Variants in EPHA5 observed in about 807,000 individuals in gnomAD.
EPHA5 encodes the protein EPH receptor A5, also known as ephrin type-A receptor 5.
EPHA5 carries 60 observed loss-of-function variants against 105.0 expected under a neutral mutation model. That is an observed-to-expected ratio of 0.57 (90% CI 0.46 to 0.71). EPHA5 has a LOEUF of 0.71. Ranked by LOEUF, EPHA5 falls within the 30% of genes least tolerant of loss-of-function variation. The pLI is 0.00. For missense variants in EPHA5, 1,218 were observed against 1,274.7 expected, an observed-to-expected ratio of 0.96 and a Z score of 0.68; for synonymous variants, 513 against 449.1, an observed-to-expected ratio of 1.14 and a Z score of -1.80.
intron 2 of EPHA5, among the ~76,000 whole-genome samples, chr4:65,620,038 G>A (rs1745576064): frequency 6.7e-6 from 1 of 148,338 alleles, no homozygotes; most frequent in Admixed American, 6.8e-5. Context: ...CATCTCTGGT[G>A]TGTGTTAAAG....
chr4:65,505,890 T>C (rs530400533), intron 3 of EPHA5, among the ~76,000 whole-genome samples: 1 of 152,318 alleles, frequency 6.6e-6, no homozygotes, highest in South Asian at 2.1e-4. Flanking sequence ...AGGGTACATG[T>C]GCACAACGTG....
intron 14 of EPHA5, among the ~76,000 whole-genome samples, chr4:65,338,152 A>G (rs1450141799): frequency 6.6e-6 from 1 of 152,152 alleles, no homozygotes; most frequent in African/African-American, 2.4e-5. Context: ...AAGCCTTGAA[A>G]AAATATTTAT....
chr4:65,485,502 C>CA (rs1344479697), intron 5 of EPHA5, among the ~76,000 whole-genome samples: 3 of 151,980 alleles, frequency 2.0e-5, no homozygotes, highest in Non-Finnish European at 4.4e-5. Flanking sequence ...TTATTACATG[C>CA]AAAAAAGTAT....
rs2149439348 is a variant in EPHA5, at chr4:65,601,951, T to C, written c.600A>G (p.Arg200=). 1 of 1,614,194 alleles carries C rather than the reference T, an allele frequency of 6.2e-7. No homozygotes were observed. Among genetic ancestry groups the C allele is most frequent in the South Asian group, 1.1e-5 (1 of 91,080 alleles). Residue 200 remains arginine (R), a synonymous_variant, in exon 3 of 17, where the codon AGA becomes AGG. Transcript: ENST00000613740. The part of the protein sequence containing the change: ...DRVMKLNTEV[R]DVGPLSKKGF... ...CCTTTTTGCTTAGAGGTCCTACATC[T>C]CTGACCTCTGTATTCAGTTTCATAA... is the stretch of plus-strand genomic sequence containing the variant.
intron 8 of EPHA5, among the ~76,000 whole-genome samples, chr4:65,370,152 A>T (rs1451724899): frequency 6.6e-6 from 1 of 152,130 alleles, no homozygotes; most frequent in African/African-American, 2.4e-5. Context: ...TAACACTTAG[A>T]TACATATGTC....
intron 1 of EPHA5, among the ~76,000 whole-genome samples, chr4:65,659,437 G>T (rs1227151244): frequency 6.6e-6 from 1 of 151,390 alleles, no homozygotes; most frequent in African/African-American, 2.4e-5. Context: ...TGCCAGTGGG[G>T]ATCTGGACAA....
intron 3 of EPHA5, among the ~76,000 whole-genome samples, chr4:65,585,235 T>C (rs931243548): frequency 6.6e-6 from 1 of 151,812 alleles, no homozygotes; most frequent in Admixed American, 6.6e-5. Context: ...TGAATGAATT[T>C]ATATTACAGA....
chr4:65,595,116 T>C (rs1743039479), intron 3 of EPHA5, among the ~76,000 whole-genome samples: 1 of 151,054 alleles, frequency 6.6e-6, no homozygotes, highest in Non-Finnish European at 1.5e-5. Flanking sequence ...CAGTTTTTTT[T>C]CCCCTAACTT....
At chr4:65,390,872 A>G (rs779787312) in intron 8 of EPHA5, among the ~76,000 whole-genome samples, 1 of 152,086 alleles carries the variant, frequency 6.6e-6, no homozygotes, top group Non-Finnish European at 1.5e-5. Flanking sequence ...AAGAGACAGT[A>G]CGGGAATTTT....
intron 8 of EPHA5, among the ~76,000 whole-genome samples, chr4:65,369,050 G>T (rs374633102): frequency 3.0e-4 from 46 of 152,228 alleles, no homozygotes; most frequent in African/African-American, 1.1e-3. Flanking sequence ...ATTTGAGTGC[G>T]CTTGTTGGCT....
intron 2 of EPHA5, among the ~76,000 whole-genome samples, chr4:65,629,075 G>A (rs1412462933): frequency 6.6e-6 from 1 of 152,158 alleles, no homozygotes; most frequent in Non-Finnish European, 1.5e-5. Context: ...GATAAAATAT[G>A]TCATCAAATA....
In EPHA5 at chr4:65,670,243, G is replaced by A. The variant is rs1578746946; in HGVS notation, c.-501C>T. On this transcript the variant is annotated 5_prime_UTR_variant, in exon 1 of 17. Coordinates refer to ENST00000613740, the MANE Select transcript of EPHA5 (RefSeq NM_001281766.3). ...GAAAGAGGACTTGAGAAAATGTGGAGAATGAAAAACAGGAGAGCAGCGAGC... is the reference window on the plus strand; with the variant it reads ...GAAAGAGGACTTGAGAAAATGTGGAAAATGAAAAACAGGAGAGCAGCGAGC... 8.5e-6 allele frequency: 2 copies of A among 234,562 alleles called. No homozygotes were observed. Among genetic ancestry groups the A allele is most frequent in the East Asian group, 1.2e-4 (2 of 16,586 alleles). 14.5% of individuals were successfully genotyped at this position (234,562 alleles called of 1,614,324 possible). A position where few individuals can be genotyped will look rare whatever the true frequency, so the allele number is the denominator to read the frequency against.
At chr4:65,483,918 C>A (rs1357457377) in intron 5 of EPHA5, among the ~76,000 whole-genome samples, 1 of 151,986 alleles carries the variant, frequency 6.6e-6, no homozygotes, top group African/African-American at 2.4e-5. Flanking sequence ...TCAACTAGAG[C>A]CGTCATAAAG....
chr4:65,351,392 T>G lies in EPHA5; in HGVS notation c.2442A>C (p.Thr814=), dbSNP rs1722799835. Residue 814 remains threonine, a synonymous_variant, in exon 13 of 17, where the codon ACA becomes ACC. Coordinates refer to ENST00000613740, the MANE Select transcript of EPHA5 (RefSeq NM_001281766.3). ...AATGCACTCTGTTAGATCTTACCCTTGTGGTGTAGGCTGCCTCGGGATCAT... is the reference window on the plus strand; with the variant it reads ...AATGCACTCTGTTAGATCTTACCCTGGTGGTGTAGGCTGCCTCGGGATCAT... ...LEDDPEAAYT[T]RGGKIPIRWT... is the part of the protein sequence containing the mutation. The G allele has an allele frequency of 6.2e-7, 1 of 1,613,536 alleles. No homozygotes were observed.
intron 8 of EPHA5, among the ~76,000 whole-genome samples, chr4:65,392,258 T>C (rs1720790106): frequency 6.6e-6 from 1 of 152,148 alleles, no homozygotes; most frequent in Admixed American, 6.6e-5. Flanking sequence ...AACCCTCAGA[T>C]ATTAAATCAA....
At chr4:65,484,285 G>A (rs1183139743) in intron 5 of EPHA5, among the ~76,000 whole-genome samples, 3 of 152,054 alleles carry the variant, frequency 2.0e-5, no homozygotes, top group Admixed American at 6.6e-5. Context: ...TTAGTCTGTG[G>A]GAACACTGAT....
At chr4:65,518,969 G>T (rs1252623629) in intron 3 of EPHA5, among the ~76,000 whole-genome samples, 2 of 152,076 alleles carry the variant, frequency 1.3e-5, no homozygotes, top group South Asian at 2.1e-4. Context: ...ATTTTATGAG[G>T]CCAGCATCAT....
intron 1 of EPHA5, among the ~76,000 whole-genome samples, chr4:65,665,692 CCT>C (rs1253283859): frequency 1.3e-5 from 2 of 152,206 alleles, no homozygotes; most frequent in South Asian, 4.1e-4. Context: ...TGTTCACTGT[CCT>C]CTCTGTCTTA....
intron 8 of EPHA5, among the ~76,000 whole-genome samples, chr4:65,389,956 G>A (rs1039628174): frequency 5.3e-5 from 8 of 151,784 alleles, no homozygotes; most frequent in African/African-American, 1.9e-4. Flanking sequence ...TGGAAGTAGG[G>A]GTGTAGTAAG....
Sources: gnomAD v4.1 joint callset for allele counts (sites outside exome capture counted in the v4.1 genomes callset) on GRCh38, gnomAD v4.1.1 for gene constraint, MANE v1.5 for transcripts, NCBI Gene and HGNC (gene_info 2026-07-23, HGNC 2026-07-21) for gene names.